TMPRSS11B: variants seen among roughly 807,000 people sequenced by gnomAD.
The protein encoded by TMPRSS11B is transmembrane protease serine 11B.
Under a neutral mutation model 44.7 loss-of-function variants are expected in TMPRSS11B, and 53 were observed. The ratio of observed to expected loss-of-function variants is 1.19; its 90% CI spans 0.95 to 1.49. TMPRSS11B has a LOEUF of 1.49. Among genes scored for constraint, TMPRSS11B ranks in the 40% most tolerant of loss-of-function variants. The pLI is 0.00. For synonymous variants in TMPRSS11B, 140 were observed against 159.2 expected (o/e 0.88, Z 0.91); for missense variants, 526 against 494.8 (o/e 1.06, Z -0.60).
intron 2 of TMPRSS11B, among the ~76,000 whole-genome samples, chr4:68,239,642 C>T (rs551882357): frequency 6.6e-5 from 10 of 152,110 alleles, no homozygotes; most frequent in African/African-American, 2.4e-4. Flanking sequence ...GTAAACTGCC[C>T]TCCATTTCAA....
Position 68,227,871 on chromosome 4 carries a change from T to A in TMPRSS11B, c.*40A>T. ...CCCAAAGCCACAGATAAGGATAGCC[T>A]ACAGTGGTCTTTATGTTCCTTTGTA... On this transcript the variant is annotated 3_prime_UTR_variant, in exon 10 of 10. Coordinates refer to ENST00000332644, the MANE Select transcript of TMPRSS11B (RefSeq NM_182502.3). 1 of 1,523,910 alleles carries A rather than the reference T, an allele frequency of 6.6e-7. No individual in the cohort carries two copies. The highest frequency in any genetic ancestry group is 1.8e-4 in the Middle Eastern group (1 of 5,652). 94.4% of individuals were successfully genotyped at this position (1,523,910 alleles called of 1,614,324 possible). A position where few individuals can be genotyped will look rare whatever the true frequency, so the allele number is the denominator to read the frequency against.
Position 68,228,816 on chromosome 4 carries a change from A to G in TMPRSS11B, c.1015T>C (p.Tyr339His), listed in dbSNP as rs565709264. The G allele has an allele frequency of 5.0e-6, 8 of 1,613,904 alleles. 1 individual carries two copies. The South Asian group carries it at 8.8e-5, about 18-fold the overall frequency. Reference protein sequence around the residue: ...IIDNKICNASYAYSGFVTDTM... With the variant: ...IIDNKICNASHAYSGFVTDTM... ...TCAGTCACAAAGCCAGAGTATGCAT[A>G]TGAGGCATTGCAAATTTTGTTGTCA... Residue 339 changes from tyrosine to histidine, a missense_variant, in exon 9 of 10, where the codon TAT becomes CAT. Physicochemically the swap from Tyr to His is moderately conservative, Grantham distance 83. Coordinates refer to ENST00000332644, the MANE Select transcript of TMPRSS11B (RefSeq NM_182502.3).
intron 2 of TMPRSS11B, among the ~76,000 whole-genome samples, chr4:68,238,790 C>G (rs1343512830): frequency 1.3e-5 from 2 of 151,940 alleles, no homozygotes; most frequent in African/African-American, 4.8e-5. Context: ...AATAGATAAA[C>G]TCTAAGACCC....
chr4:68,228,933 G>A, intron 8 of TMPRSS11B, 49 bp from the exon 9 acceptor site: 2 of 1,576,522 alleles, frequency 1.3e-6, no homozygotes, highest in Non-Finnish European at 1.7e-6. Flanking sequence ...ACTTTGCTGG[G>A]ACAAAGAATA....
Position 68,231,328 on chromosome 4 carries a change from A to G in TMPRSS11B, c.561T>C (p.Asn187=), listed in dbSNP as rs753944520. 5 of 1,613,696 alleles carry G rather than the reference A, an allele frequency of 3.1e-6. No individual in the cohort carries two copies. Among genetic ancestry groups the G allele is most frequent in the East Asian group, 2.2e-5 (1 of 44,874 alleles). ...NSIITGNKIV[N]GKSSLEGAWP... ...ATGCCCCCTCCAGGGAGCTTTTTCC[A>G]TTCACAATTTTGTTGCCAGTTATGA... The change falls in exon 7 of 10, where the codon AAT becomes AAC. Residue 187 remains asparagine (N), a synonymous_variant. Coordinates refer to ENST00000332644, the MANE Select transcript of TMPRSS11B (RefSeq NM_182502.3).
chr4:68,229,824 G>A (rs1217400305), intron 7 of TMPRSS11B: 2 of 235,466 alleles, frequency 8.5e-6, no homozygotes, highest in Non-Finnish European at 1.6e-5. Context: ...TCACATGAGC[G>A]TCCTCAATTC....
Position 68,227,468 on chromosome 4 carries a change from G to A in TMPRSS11B, c.*443C>T, listed in dbSNP as rs1409783303. 1.4e-5 allele frequency: 2 copies of A among 147,148 alleles called. No homozygotes were observed. Among genetic ancestry groups the A allele is most frequent in the African/African-American group, 5.1e-5 (2 of 39,270 alleles). 9.1% of individuals were successfully genotyped at this position (147,148 alleles called of 1,614,324 possible). On this transcript the variant is annotated 3_prime_UTR_variant, in exon 10 of 10. Transcript: ENST00000332644. Reference sequence around the variant, plus strand: ...GTTGCCCAGGCTGGAGTGCAGTGGTGGCGCAATCACAAATCACCACAGCCT... The same window carrying A: ...GTTGCCCAGGCTGGAGTGCAGTGGTAGCGCAATCACAAATCACCACAGCCT...
rs540894203 is a variant in TMPRSS11B at position 68,231,425 on chromosome 4, C to T, written c.509-45G>A. On this transcript the variant is annotated intron_variant, in intron 6 of 9. Transcript: ENST00000332644. ...ACACGAGAGCAGGTATCTTTGATTA[C>T]GCATTATAAAAAAATATATCATTAA... The T allele has an allele frequency of 4.3e-5, 58 of 1,364,486 alleles. 1 individual carries two copies. Among genetic ancestry groups the T allele is most frequent in the South Asian group, 3.1e-4 (23 of 74,872 alleles). 84.5% of individuals were successfully genotyped at this position (1,364,486 alleles called of 1,614,324 possible). A position where few individuals can be genotyped will look rare whatever the true frequency, so the allele number is the denominator to read the frequency against.
intron 1 of TMPRSS11B, among the ~76,000 whole-genome samples, chr4:68,242,563 C>A (rs1325542691): frequency 7.1e-6 from 1 of 141,690 alleles, no homozygotes; most frequent in Non-Finnish European, 1.5e-5. Flanking sequence ...TTTTAATTTT[C>A]TTTCTTTCTT....
chr4:68,243,868 CT>C (rs1462609674), intron 1 of TMPRSS11B, among the ~76,000 whole-genome samples: 1 of 152,102 alleles, frequency 6.6e-6, no homozygotes, highest in Non-Finnish European at 1.5e-5. Context: ...AGAGATTTTT[CT>C]CTAAAAACCC....
intron 5 of TMPRSS11B, among the ~76,000 whole-genome samples, 173 bp from the exon 6 acceptor site, chr4:68,232,589 C>T (rs948158795): frequency 1.1e-4 from 16 of 152,220 alleles, no homozygotes; most frequent in South Asian, 2.1e-4. Context: ...TACATTATAA[C>T]CATCTCTCCA....
rs1560445665 is a variant in TMPRSS11B, at chr4:68,242,338, A to ATATATTATATATGTAATATATATTATAT, written c.9-535_9-534insATATAATATATATTACATATATAATATA. 6.3e-3 allele frequency among the ~76,000 whole-genome samples: 322 copies of ATATATTATATATGTAATATATATTATAT among 50,912 alleles called. 9 individuals are homozygous for ATATATTATATATGTAATATATATTATAT. Among genetic ancestry groups the ATATATTATATATGTAATATATATTATAT allele is most frequent in the African/African-American group, 0.023 (267 of 11,596 alleles). 33.4% of individuals were successfully genotyped at this position (50,912 alleles called of 152,430 possible). ...TATTATATATATAATATTATATTATATATATATTATATATAATATTATATT... is the reference window on the plus strand; with the variant it reads ...TATTATATATATAATATTATATTATATATATTATATATGTAATATATATTATATTATATATTATATATAATATTATATT... On this transcript the variant is annotated intron_variant, in intron 1 of 9. Coordinates refer to ENST00000332644, the MANE Select transcript of TMPRSS11B (RefSeq NM_182502.3).
At chr4:68,242,928 A>C (rs1397787190) in intron 1 of TMPRSS11B, among the ~76,000 whole-genome samples, 1 of 152,200 alleles carries the variant, frequency 6.6e-6, no homozygotes, top group Non-Finnish European at 1.5e-5. Context: ...TTAATAGATC[A>C]GTTAGTTGTT....
intron 5 of TMPRSS11B, 119 bp downstream of exon 5, chr4:68,234,344 T>G: frequency 1.0e-6 from 1 of 966,258 alleles, no homozygotes; most frequent in Non-Finnish European, 1.5e-6. Flanking sequence ...GTGCCAGAGT[T>G]AGGTACGCAT....
chr4:68,238,154 A>G (rs1048563101), intron 2 of TMPRSS11B, among the ~76,000 whole-genome samples: 1 of 152,198 alleles, frequency 6.6e-6, no homozygotes. Context: ...AAGTTACTGA[A>G]AAGTATGATC....
At chr4:68,229,017 C>A in intron 8 of TMPRSS11B, 133 bp from the exon 9 acceptor site, 1 of 1,044,888 alleles carries the variant, frequency 9.6e-7, no homozygotes. Context: ...TAGTCTCTTT[C>A]AGGTGTTTGT....
At position 68,241,787 on chromosome 4, in the gene TMPRSS11B, T is replaced by A. The variant is rs1304819350; in HGVS notation, c.26A>T (p.Gln9Leu). MYRHGISS[Q>L]RSWPLWTTIF... ...CGTAGTCCATAGTGGCCAAGATCTT[T>A]GGGAAGATATGCCGTGCCTATGAAA... Residue 9 changes from glutamine (Q) to leucine (L), a missense_variant, in exon 2 of 10, where the codon CAA (glutamine) becomes CTA (leucine). Transcript: ENST00000332644. 19 of 1,612,864 alleles carry A rather than the reference T, an allele frequency of 1.2e-5. No homozygotes were observed. The highest frequency in any genetic ancestry group is 1.5e-5 in the Non-Finnish European group (18 of 1,179,240).
intron 2 of TMPRSS11B, among the ~76,000 whole-genome samples, chr4:68,238,133 A>T (rs1719725727): frequency 1.3e-5 from 2 of 152,176 alleles, no homozygotes. Flanking sequence ...AACATACACC[A>T]TGTAGTCTCT....
chr4:68,243,075 T>C (rs1719903288), intron 1 of TMPRSS11B, among the ~76,000 whole-genome samples: 1 of 152,174 alleles, frequency 6.6e-6, no homozygotes, highest in African/African-American at 2.4e-5. Flanking sequence ...GTTTGAATCC[T>C]AGTTATTTTT....
Sources: allele counts gnomAD v4.1 joint callset (sites outside exome capture counted in the v4.1 genomes callset), GRCh38; gene constraint gnomAD v4.1.1; transcripts MANE v1.5; gene names NCBI Gene and HGNC (gene_info 2026-07-23, HGNC 2026-07-21).